The following NLGN1 variants were observed in gnomAD, a reference collection of about 807,000 sequenced individuals.
NLGN1 encodes neuroligin-1.
In NLGN1, 12 loss-of-function variants were observed where a neutral mutation model predicts 65.5. The observed-to-expected ratio is 0.18, with a 90% CI of 0.12 to 0.30. The LOEUF is 0.30. Among genes scored for constraint, NLGN1 ranks in the 10% least tolerant of loss-of-function variants. The probability of loss-of-function intolerance (pLI) is 1.00; values close to 1 mark genes in which losing one functional copy is unlikely to be tolerated. For synonymous variants in NLGN1, 350 were observed against 359.5 expected, an observed-to-expected ratio of 0.97 and a Z score of 0.30; for missense variants, 750 against 1,007.1, an observed-to-expected ratio of 0.74 and a Z score of 3.46.
chr3:173,491,708 A>G (rs1264502915), intron 2 of NLGN1, among the ~76,000 whole-genome samples: 2 of 151,670 alleles, frequency 1.3e-5, no homozygotes, highest in South Asian at 2.1e-4. Context: ...TCCGCCATAC[A>G]TTTATGACTT....
intron 4 of NLGN1, among the ~76,000 whole-genome samples, chr3:174,221,398 T>C (rs1738623460): frequency 6.6e-6 from 1 of 152,036 alleles, no homozygotes; most frequent in Admixed American, 6.6e-5. Flanking sequence ...ACAGCAGTCA[T>C]TTTTCTATAG....
At chr3:174,013,751 T>G (rs1456591927) in intron 4 of NLGN1, among the ~76,000 whole-genome samples, 1 of 152,238 alleles carries the variant, frequency 6.6e-6, no homozygotes, top group Admixed American at 6.5e-5. Flanking sequence ...TCTCACTCTG[T>G]CATCCAGGCT....
At chr3:174,030,095 A>C (rs570032451) in intron 4 of NLGN1, among the ~76,000 whole-genome samples, 1 of 151,022 alleles carries the variant, frequency 6.6e-6, no homozygotes, top group South Asian at 2.1e-4. Context: ...TATTTCATTT[A>C]ATCCTTATGA....
At chr3:173,609,665 G>A (rs1408546128) in intron 3 of NLGN1, among the ~76,000 whole-genome samples, 2 of 151,882 alleles carry the variant, frequency 1.3e-5, no homozygotes, top group African/African-American at 4.8e-5. Context: ...TACTTACTCT[G>A]TGCTGAGTAT....
intron 2 of NLGN1, among the ~76,000 whole-genome samples, chr3:173,543,135 T>TA (rs1739173703): frequency 6.6e-6 from 1 of 152,150 alleles, no homozygotes; most frequent in South Asian, 2.1e-4. Flanking sequence ...AGGACCATAT[T>TA]ATTGAATTTT....
chr3:174,225,260 C>T (rs1332803672), intron 4 of NLGN1, among the ~76,000 whole-genome samples: 2 of 152,102 alleles, frequency 1.3e-5, no homozygotes, highest in African/African-American at 2.4e-5. Context: ...TTCTCAGATC[C>T]CACTAAACGC....
intron 3 of NLGN1, among the ~76,000 whole-genome samples, chr3:173,773,312 G>C (rs1214041358): frequency 6.6e-6 from 1 of 152,070 alleles, no homozygotes; most frequent in Non-Finnish European, 1.5e-5. Flanking sequence ...TTTCTACAAA[G>C]AAATCCTCCC....
At chr3:173,539,161 C>T (rs114137708) in intron 2 of NLGN1, among the ~76,000 whole-genome samples, 3,597 of 151,194 alleles carry the variant, frequency 0.024, 53 homozygotes, top group Middle Eastern at 0.048. Context: ...TGTCCACTTT[C>T]GGGTGGTGCC....
chr3:174,112,127 G>T (rs1484310738), intron 4 of NLGN1, among the ~76,000 whole-genome samples: 4 of 151,858 alleles, frequency 2.6e-5, no homozygotes, highest in Non-Finnish European at 5.9e-5. Context: ...GAGGCAGTTG[G>T]CACTAGATTA....
intron 4 of NLGN1, among the ~76,000 whole-genome samples, chr3:174,139,917 T>G (rs1314039883): frequency 6.6e-6 from 1 of 152,210 alleles, no homozygotes; most frequent in Non-Finnish European, 1.5e-5. Context: ...TATTTAAGTC[T>G]TTTGTTCATT....
rs1320060675 is a variant in NLGN1 at position 173,983,676 on chromosome 3, C to T, written c.646+175844C>T. 2.0e-5 allele frequency among the ~76,000 whole-genome samples: 3 copies of T among 152,058 alleles called. No individual in the cohort carries two copies. The East Asian group carries it at 5.8e-4, about 29-fold the overall frequency. ...AAAGCCATGCACAGCTCTTCCTTTG[C>T]CTGGATCTCTTATTTTCCAACTTTC... On this transcript the variant is annotated intron_variant, in intron 4 of 6. Coordinates refer to ENST00000457714, the Ensembl canonical transcript of NLGN1.
intron 4 of NLGN1, among the ~76,000 whole-genome samples, chr3:173,855,128 A>G (rs1004094950): frequency 1.3e-5 from 2 of 152,078 alleles, no homozygotes; most frequent in Non-Finnish European, 2.9e-5. Context: ...ATGTAGGTAA[A>G]TTCTTCTAAG....
At chr3:174,001,804 C>T (rs188769220) in intron 4 of NLGN1, among the ~76,000 whole-genome samples, 16 of 152,104 alleles carry the variant, frequency 1.1e-4, no homozygotes, top group South Asian at 1.0e-3. Context: ...CAGCAGTGGT[C>T]CTCAATGTAA....
intron 3 of NLGN1, among the ~76,000 whole-genome samples, chr3:173,689,083 T>C (rs1765089095): frequency 6.6e-6 from 1 of 152,210 alleles, no homozygotes; most frequent in African/African-American, 2.4e-5. Flanking sequence ...TGGTCCCATT[T>C]GGCTCCATAA....
intron 4 of NLGN1, among the ~76,000 whole-genome samples, chr3:173,816,128 A>G: frequency 6.6e-6 from 1 of 150,994 alleles, no homozygotes; most frequent in East Asian, 1.9e-4. Flanking sequence ...TAATTGTCAA[A>G]TACTATAATT....
At chr3:173,647,960 AG>A in intron 3 of NLGN1, among the ~76,000 whole-genome samples, 1 of 152,242 alleles carries the variant, frequency 6.6e-6, no homozygotes, top group East Asian at 1.9e-4. Flanking sequence ...TTAAGATATC[AG>A]TTCTCTCCCA....
intron 4 of NLGN1, among the ~76,000 whole-genome samples, chr3:174,257,720 A>AATATATAT (rs148487842): frequency 6.8e-6 from 1 of 146,468 alleles, no homozygotes. Context: ...GAACTAGTGG[A>AATATATAT]ATATATATAT....
At chr3:173,909,850 G>C (rs903634495) in intron 4 of NLGN1, among the ~76,000 whole-genome samples, 36 of 152,014 alleles carry the variant, frequency 2.4e-4, no homozygotes, top group African/African-American at 8.5e-4. Flanking sequence ...AGCTAATTTT[G>C]TATTTTCAGT....
At chr3:173,415,419 A>G (rs1713473391) in intron 1 of NLGN1, among the ~76,000 whole-genome samples, 2 of 152,226 alleles carry the variant, frequency 1.3e-5, no homozygotes, top group South Asian at 4.1e-4. Flanking sequence ...GTATGAAGAC[A>G]AATCTCTCCC....
Sources: gnomAD v4.1 joint callset for allele counts (sites outside exome capture counted in the v4.1 genomes callset) on GRCh38, gnomAD v4.1.1 for gene constraint, MANE v1.5 for transcripts, NCBI Gene and HGNC (gene_info 2026-07-23, HGNC 2026-07-21) for gene names.